The following KIT variants were observed in gnomAD, a reference collection of about 807,000 sequenced individuals.
KIT encodes KIT proto-oncogene, receptor tyrosine kinase, also known as mast/stem cell growth factor receptor Kit.
KIT carries 16 observed loss-of-function variants against 105.7 expected under a neutral mutation model. The ratio of observed to expected loss-of-function variants is 0.15; its 90% CI spans 0.10 to 0.23. The LOEUF is 0.23. Ranked by LOEUF, KIT falls within the 10% of genes least tolerant of loss-of-function variation. KIT has a pLI of 1.00. For synonymous variants in KIT, 438 were observed against 441.1 expected, an observed-to-expected ratio of 0.99 and a Z score of 0.09; for missense variants, 858 against 1,213.8, an observed-to-expected ratio of 0.71 and a Z score of 4.36.
intron 1 of KIT, among the ~76,000 whole-genome samples, chr4:54,665,739 G>A (rs1717642927): frequency 6.6e-6 from 1 of 152,130 alleles, no homozygotes; most frequent in South Asian, 2.1e-4. Context: ...TTTATTCATT[G>A]ATTATTTGTG....
rs868043758 is a variant in KIT, at chr4:54,678,334, T to C, written c.68-17178T>C. On this transcript the variant is annotated intron_variant, in intron 1 of 20. Transcript: ENST00000288135. ...CTTCCTTCCTTCCTTCCTTCCTTCC[T>C]TCCTTCCTTCCTTCCTTCCCTCCCT... Among the ~76,000 whole-genome samples, 147 of 98,532 alleles carry C rather than the reference T, an allele frequency of 1.5e-3. 1 individual carries two copies. Among genetic ancestry groups the C allele is most frequent in the South Asian group, 5.5e-3 (15 of 2,728 alleles). The allele number at this position is 98,532 out of a possible 152,430, so 64.6% of individuals were successfully genotyped here. A position where few individuals can be genotyped will look rare whatever the true frequency, so the allele number is the denominator to read the frequency against.
intron 1 of KIT, among the ~76,000 whole-genome samples, chr4:54,662,216 C>T (rs1300856453): frequency 6.6e-6 from 1 of 152,096 alleles, no homozygotes; most frequent in Non-Finnish European, 1.5e-5. Context: ...CCAAATATGC[C>T]CCTGGGACCA....
rs1018086781 is a variant in KIT at position 54,682,266 on chromosome 4, T to G, written c.68-13246T>G. On this transcript the variant is annotated intron_variant, in intron 1 of 20. Coordinates refer to ENST00000288135, the MANE Select transcript of KIT (RefSeq NM_000222.3). ...CACCATGCCTGACTAATTTTTGTAT[T>G]TTTTGCAGAGATGATGTTTAGCCAC... Among the ~76,000 whole-genome samples, 4 of 151,920 alleles carry G rather than the reference T, an allele frequency of 2.6e-5. No homozygotes were observed. In the East Asian group the frequency reaches 7.9e-4, roughly 30 times the overall value.
chr4:54,696,841 C>T (rs927536628), intron 2 of KIT, among the ~76,000 whole-genome samples: 5 of 152,252 alleles, frequency 3.3e-5, no homozygotes, highest in Admixed American at 6.5e-5. Context: ...GTCACCACTT[C>T]GCCTCAGGGC....
rs2109671998 is a variant in KIT at position 54,698,315 on chromosome 4, C to T, written c.369C>T (p.Ser123=). 2 of 1,613,966 alleles carry T rather than the reference C, an allele frequency of 1.2e-6. No homozygotes were observed. Among genetic ancestry groups the T allele is most frequent in the Non-Finnish European group, 8.5e-7 (1 of 1,179,940 alleles). Residue 123 remains serine (S), a synonymous_variant, in exon 3 of 21, where the codon TCC becomes TCT. Transcript: ENST00000288135. ...DPAKLFLVDR[S]LYGKEDNDTL... is the part of the protein sequence containing the mutation. ...CCAAGCTTTTCCTTGTTGACCGCTCCTTGTATGGGAAAGAAGACAACGACA... is the reference window on the plus strand; with the variant it reads ...CCAAGCTTTTCCTTGTTGACCGCTCTTTGTATGGGAAAGAAGACAACGACA...
intron 1 of KIT, among the ~76,000 whole-genome samples, chr4:54,669,728 G>A (rs1054433803): frequency 6.7e-6 from 1 of 150,240 alleles, no homozygotes; most frequent in Non-Finnish European, 1.5e-5. Flanking sequence ...AAAGAAAGAT[G>A]TAATTTGAGG....
At chr4:54,676,546 A>G (rs1360715551) in intron 1 of KIT, among the ~76,000 whole-genome samples, 1 of 152,202 alleles carries the variant, frequency 6.6e-6, no homozygotes, top group Non-Finnish European at 1.5e-5. Context: ...CAACTGGAGT[A>G]CCATGGGACA....
At chr4:54,666,256 TTTTTTG>T (rs1717679482) in intron 1 of KIT, among the ~76,000 whole-genome samples, 1 of 151,910 alleles carries the variant, frequency 6.6e-6, no homozygotes, top group Non-Finnish European at 1.5e-5. Flanking sequence ...AATTGAAAAT[TTTTTTG>T]TTTTTGTTTT....
chr4:54,688,472 G>T lies in KIT; in HGVS notation c.68-7040G>T, dbSNP rs1719470882. On this transcript the variant is annotated intron_variant, in intron 1 of 20. Transcript: ENST00000288135. ...TTCTTCCCCGCCATTATTTTGTCTA[G>T]TTCCTTATATTTGTGTCCAAAAGAG... Among the ~76,000 whole-genome samples the T allele has an allele frequency of 2.6e-5, 4 of 151,684 alleles. No individual in the cohort carries two copies. In the South Asian group the frequency reaches 8.3e-4, roughly 32 times the overall value.
intron 1 of KIT, among the ~76,000 whole-genome samples, chr4:54,671,844 A>G (rs896091218): frequency 6.6e-6 from 1 of 152,170 alleles, no homozygotes; most frequent in Non-Finnish European, 1.5e-5. Context: ...TCTAGCTTCA[A>G]CACTTACCAA....
rs77422070 is a variant in KIT at position 54,696,176 on chromosome 4, G to A, written c.337+395G>A. On this transcript the variant is annotated intron_variant, in intron 2 of 20. Coordinates refer to ENST00000288135, the MANE Select transcript of KIT (RefSeq NM_000222.3). ...AGGCCTCTCAAAGCCTAACCAGACC[G>A]ACACTTCGAAAGATGTGGCCCACTC... Among the ~76,000 whole-genome samples, 22 of 152,006 alleles carry A rather than the reference G, an allele frequency of 1.4e-4. No homozygotes were observed. In the East Asian group the frequency reaches 2.5e-3, roughly 17 times the overall value.
At chr4:54,729,084 T>TCA (rs1340093247) in intron 13 of KIT, among the ~76,000 whole-genome samples, 6 of 152,206 alleles carry the variant, frequency 3.9e-5, no homozygotes, top group Non-Finnish European at 8.8e-5. Context: ...AAACCAGCAG[T>TCA]CATGCTTGGC....
intron 7 of KIT, 31 bp downstream of exon 7, chr4:54,709,570 T>G: frequency 7.4e-7 from 1 of 1,350,160 alleles, no homozygotes; most frequent in South Asian, 1.2e-5. Flanking sequence ...CTTTTAATTT[T>G]TTATTCTTTT....
chr4:54,683,751 T>G (rs897567122), intron 1 of KIT, among the ~76,000 whole-genome samples: 2 of 152,148 alleles, frequency 1.3e-5, no homozygotes, highest in African/African-American at 4.8e-5. Flanking sequence ...GTTCTCTATC[T>G]TGGGAGTGCT....
intron 14 of KIT, among the ~76,000 whole-genome samples, chr4:54,730,713 C>T (rs1444133578): frequency 6.6e-6 from 1 of 152,086 alleles, no homozygotes; most frequent in Admixed American, 6.6e-5. Flanking sequence ...TTGGAACCAC[C>T]AGCACACTCT....
intron 1 of KIT, among the ~76,000 whole-genome samples, chr4:54,693,991 A>C (rs755471604): frequency 4.6e-5 from 7 of 152,102 alleles, no homozygotes; most frequent in African/African-American, 7.2e-5. Context: ...CCTTGAATCT[A>C]GTTGATTCTC....
At chr4:54,695,955 T>C (rs1720036799) in intron 2 of KIT, 174 bp downstream of exon 2, 1 of 726,884 alleles carries the variant, frequency 1.4e-6, no homozygotes, top group African/African-American at 1.8e-5. Context: ...TGATACATAG[T>C]GGCTTTGGGT....
intron 1 of KIT, among the ~76,000 whole-genome samples, chr4:54,662,402 T>C (rs1577905630): frequency 6.6e-6 from 1 of 152,344 alleles, no homozygotes; most frequent in Non-Finnish European, 1.5e-5. Flanking sequence ...TTAACCTCTC[T>C]GTGCCAGTAA....
chr4:54,695,534 T>A lies in KIT; in HGVS notation c.90T>A (p.Ser30Arg), dbSNP rs2109660456. The change falls in exon 2 of 21, where the codon AGT becomes AGA. Residue 30 changes from serine to arginine, a missense_variant. Ser to Arg is a moderately radical substitution (Grantham distance 110, BLOSUM62 -1). Coordinates refer to ENST00000288135, the MANE Select transcript of KIT (RefSeq NM_000222.3). ...CAGGCTCTTCTCAACCATCTGTGAG[T>A]CCAGGGGAACCGTCTCCACCATCCA... Reference protein sequence around the residue: ...VQTGSSQPSVSPGEPSPPSIH... With the variant: ...VQTGSSQPSVRPGEPSPPSIH... 1 of 1,614,120 alleles carries A rather than the reference T, an allele frequency of 6.2e-7. No individual in the cohort carries two copies.
Sources: allele counts gnomAD v4.1 joint callset (sites outside exome capture counted in the v4.1 genomes callset), GRCh38; gene constraint gnomAD v4.1.1; transcripts MANE v1.5; gene names NCBI Gene and HGNC (gene_info 2026-07-23, HGNC 2026-07-21).